Variants in SUGCT observed in about 807,000 individuals in gnomAD.
SUGCT encodes succinyl-CoA:glutarate CoA-transferase.
SUGCT carries 41 observed loss-of-function variants against 55.0 expected under a neutral mutation model. The ratio of observed to expected loss-of-function variants is 0.74; its 90% confidence interval spans 0.58 to 0.97. The LOEUF (loss-of-function observed/expected upper bound fraction) is 0.97. SUGCT is among the 50% of genes least tolerant of loss of function. The pLI is 0.00. For synonymous variants in SUGCT, 187 were observed against 200.4 expected, an observed-to-expected ratio of 0.93 and a Z score of 0.56; for missense variants, 568 against 547.8, an observed-to-expected ratio of 1.04 and a Z score of -0.37.
chr7:40,609,650 T>C (rs142796554), intron 12 of SUGCT, among the ~76,000 whole-genome samples: 207 of 152,162 alleles, frequency 1.4e-3, no homozygotes, highest in African/African-American at 4.8e-3. Flanking sequence ...AAAATTGCAC[T>C]GAAAACTCTT....
chr7:41,028,115 A>G, the SUGCT span, among the ~76,000 whole-genome samples: 3 of 152,228 alleles, frequency 2.0e-5, no homozygotes. Context: ...TCAGGCAGGC[A>G]GGTATTGAGG....
chr7:40,993,336 C>T, the SUGCT span, among the ~76,000 whole-genome samples: 1 of 152,070 alleles, frequency 6.6e-6, no homozygotes, highest in Non-Finnish European at 1.5e-5. Flanking sequence ...AGGAAGAGAG[C>T]TCAATTATGG....
chr7:40,398,599 T>C (rs1785885131), intron 9 of SUGCT, among the ~76,000 whole-genome samples: 1 of 151,898 alleles, frequency 6.6e-6, no homozygotes, highest in African/African-American at 2.4e-5. Context: ...GGGTCTTGTT[T>C]TGGATCATCT....
the SUGCT span, among the ~76,000 whole-genome samples, chr7:40,914,565 G>A: frequency 1.3e-5 from 2 of 152,122 alleles, no homozygotes; most frequent in Admixed American, 6.5e-5. Flanking sequence ...CAGGAGTAGA[G>A]TATAGTAGAG....
the SUGCT span, among the ~76,000 whole-genome samples, chr7:40,995,764 A>G: frequency 1.3e-5 from 2 of 152,150 alleles, no homozygotes; most frequent in African/African-American, 4.8e-5. Context: ...CTCCCTGGCA[A>G]TCCACCTACA....
At chr7:40,564,800 C>T (rs1796035652) in intron 12 of SUGCT, among the ~76,000 whole-genome samples, 1 of 152,156 alleles carries the variant, frequency 6.6e-6, no homozygotes, top group African/African-American at 2.4e-5. Flanking sequence ...GGCAACTTTC[C>T]CTTTCTGTTA....
At chr7:40,911,716 G>A in the SUGCT span, among the ~76,000 whole-genome samples, 1 of 152,060 alleles carries the variant, frequency 6.6e-6, no homozygotes, top group Admixed American at 6.5e-5. Context: ...CCCAATTAGT[G>A]ACAACCAAAA....
chr7:40,772,547 T>TATC (rs1554418090), intron 13 of SUGCT, among the ~76,000 whole-genome samples: 1 of 148,890 alleles, frequency 6.7e-6, no homozygotes, highest in Non-Finnish European at 1.5e-5. Flanking sequence ...TCTATCTATC[T>TATC]ATCTATCTAT....
the SUGCT span, among the ~76,000 whole-genome samples, chr7:40,899,696 C>G: frequency 6.6e-6 from 1 of 152,094 alleles, no homozygotes; most frequent in East Asian, 1.9e-4. Context: ...CCCCACAACA[C>G]AGTTTTTTCT....
chr7:40,258,257 C>G (rs1459311026), intron 7 of SUGCT, among the ~76,000 whole-genome samples: 1 of 152,184 alleles, frequency 6.6e-6, no homozygotes, highest in African/African-American at 2.4e-5. Context: ...TATTTAACAC[C>G]TTTATTGAAC....
chr7:40,882,407 A>G, the SUGCT span, among the ~76,000 whole-genome samples: 9 of 152,278 alleles, frequency 5.9e-5, no homozygotes, highest in Admixed American at 4.6e-4. Flanking sequence ...TTCCTGCTAT[A>G]AAATTTTATC....
At chr7:40,749,916 G>C (rs564475541) in intron 13 of SUGCT, among the ~76,000 whole-genome samples, 2 of 152,156 alleles carry the variant, frequency 1.3e-5, no homozygotes, top group African/African-American at 4.8e-5. Flanking sequence ...GCTCAGGCTC[G>C]GGCATTTTCT....
In SUGCT at chr7:40,241,919, CA is replaced by C. The variant is rs34968969; in HGVS notation, c.576+4209del. ...TGGCGACAGACCAAGACTCTGTCTC[CA>C]AAAAAAAAAAAAAAACCGTCTTTAT... On this transcript the variant is annotated intron_variant, in intron 7 of 13. Transcript: ENST00000335693. Among the ~76,000 whole-genome samples, 862 of 130,842 alleles carry C rather than the reference CA, an allele frequency of 6.6e-3. 2 individuals are homozygous for C. The highest frequency in any genetic ancestry group is 0.011 in the Non-Finnish European group (665 of 62,222). 85.8% of individuals were successfully genotyped at this position (130,842 alleles called of 152,430 possible).
intron 9 of SUGCT, among the ~76,000 whole-genome samples, chr7:40,448,891 T>A (rs1789011776): frequency 1.3e-5 from 2 of 150,988 alleles, no homozygotes; most frequent in Admixed American, 6.6e-5. Flanking sequence ...CATACATACA[T>A]ACATAGACAC....
intron 12 of SUGCT, among the ~76,000 whole-genome samples, chr7:40,568,558 A>C (rs1796270480): frequency 6.6e-6 from 1 of 152,168 alleles, no homozygotes; most frequent in Admixed American, 6.5e-5. Context: ...AGAGCTTCCA[A>C]ATATAAATGG....
At chr7:40,713,891 G>A (rs1785867436) in intron 12 of SUGCT, among the ~76,000 whole-genome samples, 1 of 152,128 alleles carries the variant, frequency 6.6e-6, no homozygotes. Flanking sequence ...TGGAAAAGAG[G>A]CATTTTAACC....
At chr7:40,350,470 C>T (rs575597211) in intron 9 of SUGCT, among the ~76,000 whole-genome samples, 43 of 151,308 alleles carry the variant, frequency 2.8e-4, no homozygotes, top group African/African-American at 9.9e-4. Flanking sequence ...ACCACCGCCA[C>T]ACCTGGCTAA....
chr7:40,896,509 G>A, the SUGCT span, among the ~76,000 whole-genome samples: 3 of 152,106 alleles, frequency 2.0e-5, no homozygotes, highest in Non-Finnish European at 4.4e-5. Context: ...TCATGGGGGC[G>A]GTTACCCCCC....
At chr7:40,361,704 G>T (rs932948821) in intron 9 of SUGCT, among the ~76,000 whole-genome samples, 15 of 152,128 alleles carry the variant, frequency 9.9e-5, no homozygotes, top group African/African-American at 3.4e-4. Context: ...TAGTGTTTTG[G>T]TATTTCGATT....
Sources: allele counts gnomAD v4.1 joint callset (sites outside exome capture counted in the v4.1 genomes callset), GRCh38; gene constraint gnomAD v4.1.1; transcripts MANE v1.5; gene names NCBI Gene and HGNC (gene_info 2026-07-23, HGNC 2026-07-21).